Variants in HELLS observed in about 807,000 individuals in gnomAD.
HELLS encodes the protein helicase, lymphoid specific, also known as lymphoid-specific helicase.
HELLS carries 32 observed loss-of-function variants against 120.0 expected under a neutral mutation model. The observed-to-expected ratio is 0.27, with a 90% CI of 0.20 to 0.36. The LOEUF is 0.36. Ranked by LOEUF, HELLS falls within the 10% of genes least tolerant of loss-of-function variation. HELLS has a pLI of 1.00. For missense variants in HELLS, 650 were observed against 993.4 expected (o/e 0.65, Z 4.65); for synonymous variants, 341 against 323.4 (o/e 1.05, Z -0.58).
rs1491523737 is a variant in HELLS, at chr10:94,580,185, A to AC, written c.1033-1141_1033-1140insC. On this transcript the variant is annotated intron_variant, in intron 10 of 21. Coordinates refer to ENST00000348459, the MANE Select transcript of HELLS (RefSeq NM_018063.5). ...TATACACACACACACACACACACAC[A>AC]TTTTTTTTTTTTTTTTTTTGAGACA... Among the ~76,000 whole-genome samples the AC allele has an allele frequency of 6.1e-3, 423 of 69,268 alleles. 7 individuals carry two copies. The highest frequency in any genetic ancestry group is 0.025 in the African/African-American group (397 of 15,818). The allele number at this position is 69,268 out of a possible 152,430, so 45.4% of individuals were successfully genotyped here. A position where few individuals can be genotyped will look rare whatever the true frequency, so the allele number is the denominator to read the frequency against.
rs2134258405 is a variant in HELLS, at chr10:94,545,893, G to T, written c.-29G>T. The T allele has an allele frequency of 2.6e-6, 4 of 1,552,096 alleles. No individual in the cohort carries two copies. In the East Asian group the frequency reaches 7.3e-5, roughly 28 times the overall value. ...CGGCATTGCAGGCTCTGAGAGGAGG[G>T]GACCCGGTTCCCGGGTGAGTGTCCA... On this transcript the variant is annotated 5_prime_UTR_variant, in exon 1 of 22. Coordinates refer to ENST00000348459, the MANE Select transcript of HELLS (RefSeq NM_018063.5).
At chr10:94,559,906 A>G (rs992457976) in intron 4 of HELLS, among the ~76,000 whole-genome samples, 1 of 152,228 alleles carries the variant, frequency 6.6e-6, no homozygotes, top group Non-Finnish European at 1.5e-5. Context: ...CAATAGTCAT[A>G]GTGATTTTAT....
Position 94,590,415 on chromosome 10 carries a change from A to G in HELLS, c.1491A>G (p.Lys497=). 1.3e-6 allele frequency: 2 copies of G among 1,597,062 alleles called. No individual in the cohort carries two copies. Among genetic ancestry groups the G allele is most frequent in the Non-Finnish European group, 1.7e-6 (2 of 1,176,210 alleles). The change falls in exon 14 of 22, where the codon AAA becomes AAG. Residue 497 remains lysine (K), a splice_region_variant and synonymous_variant. Coordinates refer to ENST00000348459, the MANE Select transcript of HELLS (RefSeq NM_018063.5). ...TIANMFGSSE[K]ETIELSPTGR... is the part of the protein sequence containing the mutation. ...TCTTTTAATTCGTTCCCTTTTAGAA[A>G]GAAACAATTGAGTTAAGTCCTACTG...
chr10:94,580,599 TAAAG>T (rs1255641737), intron 10 of HELLS, among the ~76,000 whole-genome samples: 1 of 152,170 alleles, frequency 6.6e-6, no homozygotes, highest in East Asian at 1.9e-4. Context: ...GTTATTTTAA[TAAAG>T]AAGATACAGT....
chr10:94,571,883 G>C (rs1844192033), intron 7 of HELLS, among the ~76,000 whole-genome samples: 1 of 152,284 alleles, frequency 6.6e-6, no homozygotes, highest in East Asian at 1.9e-4. Context: ...GAGGTTCCTT[G>C]TTATCTGACT....
chr10:94,593,862 C>T (rs563122483), intron 18 of HELLS, among the ~76,000 whole-genome samples: 5 of 152,078 alleles, frequency 3.3e-5, no homozygotes, highest in African/African-American at 1.2e-4. Context: ...GGGGTTTTGC[C>T]ATGTTGGCCA....
At position 94,545,864 on chromosome 10, in the gene HELLS, C is replaced by T. The variant is rs113923794; in HGVS notation, c.-58C>T. ...GCCGGCAGCGGTTGTGAGGAGTTAGCTCGCGGCATTGCAGGCTCTGAGAGG... is the reference window on the plus strand; with the variant it reads ...GCCGGCAGCGGTTGTGAGGAGTTAGTTCGCGGCATTGCAGGCTCTGAGAGG... On this transcript the variant is annotated 5_prime_UTR_variant, in exon 1 of 22. Coordinates refer to ENST00000348459, the MANE Select transcript of HELLS (RefSeq NM_018063.5). 5.6e-4 allele frequency: 857 copies of T among 1,540,140 alleles called. 3 individuals carry two copies. In the African/African-American group the frequency reaches 0.01, roughly 18 times the overall value.
At position 94,590,220 on chromosome 10, in the gene HELLS, A is replaced by G. The variant is rs920551713; in HGVS notation, c.1489-193A>G. Among the ~76,000 whole-genome samples the G allele has an allele frequency of 1.4e-4, 22 of 152,140 alleles. 1 individual carries two copies. Among genetic ancestry groups the G allele is most frequent in the Admixed American group, 2.6e-4 (4 of 15,276 alleles). ...TTTTATACACCCTTCATTTTTACCT[A>G]TTGAGATATGAAGGCCCTTCCTCTT... On this transcript the variant is annotated intron_variant, in intron 13 of 21. Coordinates refer to ENST00000348459, the MANE Select transcript of HELLS (RefSeq NM_018063.5).
intron 10 of HELLS, among the ~76,000 whole-genome samples, chr10:94,580,144 TATATATATATATATATATAC>T (rs1364411259): frequency 3.3e-4 from 19 of 57,562 alleles, no homozygotes; most frequent in South Asian, 6.7e-4. Context: ...TATATATATA[TATATATATATATATATATAC>T]ACACACACAC....
At chr10:94,559,513 T>A (rs1486332636) in intron 4 of HELLS, among the ~76,000 whole-genome samples, 1 of 152,056 alleles carries the variant, frequency 6.6e-6, no homozygotes, top group African/African-American at 2.4e-5. Context: ...TGGTGCAATC[T>A]TAGCTCACTG....
chr10:94,580,160 T>C lies in HELLS; in HGVS notation c.1033-1166T>C, dbSNP rs1282749600. ...ATATATATATATATATATATATATA[T>C]ATACACACACACACACACACACACA... On this transcript the variant is annotated intron_variant, in intron 10 of 21. Coordinates refer to ENST00000348459, the MANE Select transcript of HELLS (RefSeq NM_018063.5). Among the ~76,000 whole-genome samples, 525 of 64,400 alleles carry C rather than the reference T, an allele frequency of 8.2e-3. 2 individuals carry two copies. The highest frequency in any genetic ancestry group is 0.012 in the African/African-American group (171 of 13,928). The allele number at this position is 64,400 out of a possible 152,430, so 42.2% of individuals were successfully genotyped here.
At position 94,546,357 on chromosome 10, in the gene HELLS, A is replaced by G. The variant is rs184067695; in HGVS notation, c.32-20A>G. ...GTAATTTTTTTAAAACTGCAATTTG[A>G]AAGCTTTCTCCCCCGTCAGGCTCGG... On this transcript the variant is annotated intron_variant, in intron 1 of 21. Transcript: ENST00000348459. 179 of 1,613,864 alleles carry G rather than the reference A, an allele frequency of 1.1e-4. 1 individual carries two copies. In the Admixed American group the frequency reaches 1.9e-3, roughly 17 times the overall value.
At chr10:94,567,367 C>T (rs370183726) in intron 6 of HELLS, among the ~76,000 whole-genome samples, 4 of 152,116 alleles carry the variant, frequency 2.6e-5, no homozygotes, top group African/African-American at 7.2e-5. Context: ...GGCGCCATCT[C>T]GGCTCATTGC....
chr10:94,581,157 T>C (rs902667814), intron 10 of HELLS, among the ~76,000 whole-genome samples, 169 bp from the exon 11 acceptor site: 1 of 152,186 alleles, frequency 6.6e-6, no homozygotes, highest in Non-Finnish European at 1.5e-5. Context: ...GTTTTAGGAA[T>C]CCTTGTAAGT....
chr10:94,605,739 C>T (rs533168958), downstream of HELLS, among the ~76,000 whole-genome samples: 2 of 151,370 alleles, frequency 1.3e-5, no homozygotes, highest in African/African-American at 4.9e-5. Context: ...TCAAGTGATC[C>T]TCCTGCCTCA....
In HELLS at chr10:94,580,254, G is replaced by A. The variant is rs181876772; in HGVS notation, c.1033-1072G>A. 3.5e-5 allele frequency among the ~76,000 whole-genome samples: 5 copies of A among 141,488 alleles called. No individual in the cohort carries two copies. The East Asian group carries it at 6.2e-4, about 18-fold the overall frequency. 92.8% of individuals were successfully genotyped at this position (141,488 alleles called of 152,430 possible). A position where few individuals can be genotyped will look rare whatever the true frequency, so the allele number is the denominator to read the frequency against. ...GGCTGGAGTGCAGTGGCACGATCTC[G>A]GCTTACTGCAACCTGTCTCCCGGGC... On this transcript the variant is annotated intron_variant, in intron 10 of 21. Coordinates refer to ENST00000348459, the MANE Select transcript of HELLS (RefSeq NM_018063.5).
Position 94,571,399 on chromosome 10 carries a change from T to G in HELLS, c.447T>G (p.Ser149=). The change falls in exon 7 of 22, where the codon TCT becomes TCG. Residue 149 remains serine (S), a synonymous_variant. Transcript: ENST00000348459. ...TCTCAAACTACTAGGAAATTTTGTC[T>G]GTGGCTAAAAAAAATAAAAAGGAGA... ...SEVMSKEEIL[S]VAKKNKKENE... is the part of the protein sequence containing the mutation. 6.7e-7 allele frequency: 1 copy of G among 1,494,694 alleles called. No homozygotes were observed. Among genetic ancestry groups the G allele is most frequent in the South Asian group, 1.2e-5 (1 of 86,412 alleles). The allele number at this position is 1,494,694 out of a possible 1,614,324, so 92.6% of individuals were successfully genotyped here.
intron 2 of HELLS, among the ~76,000 whole-genome samples, chr10:94,549,590 C>G (rs1163470310): frequency 1.3e-5 from 2 of 151,994 alleles, no homozygotes; most frequent in Admixed American, 6.6e-5. Context: ...TAGAACTCCT[C>G]CCACCCCCCA....
At chr10:94,597,698 A>G (rs1845805003) in intron 21 of HELLS, among the ~76,000 whole-genome samples, 2 of 152,066 alleles carry the variant, frequency 1.3e-5, no homozygotes, top group South Asian at 4.2e-4. Flanking sequence ...ACACCTGGCT[A>G]ATTTTTGTAT....
Sources: gnomAD v4.1 joint callset for allele counts (sites outside exome capture counted in the v4.1 genomes callset) on GRCh38, gnomAD v4.1.1 for gene constraint, MANE v1.5 for transcripts, NCBI Gene and HGNC (gene_info 2026-07-23, HGNC 2026-07-21) for gene names.